TEAD2: variants seen among roughly 807,000 people sequenced by gnomAD.
The protein encoded by TEAD2 is TEA domain transcription factor 2, also known as transcriptional enhancer factor TEF-4.
A neutral mutation model predicts 61.4 loss-of-function variants in TEAD2; 51 were observed. The observed-to-expected ratio is 0.83, with a 90% CI of 0.66 to 1.05. The LOEUF is 1.05. TEAD2 is among the 50% of genes least tolerant of loss of function. The probability of loss-of-function intolerance (pLI) is 0.00; values close to 1 mark genes in which losing one functional copy is unlikely to be tolerated. For synonymous variants in TEAD2, 244 were observed against 243.2 expected (o/e 1.00, Z -0.03); for missense variants, 509 against 600.0 (o/e 0.85, Z 1.58).
intron 7 of TEAD2, among the ~76,000 whole-genome samples, chr19:49,354,738 G>A (rs1169456050): frequency 1.3e-5 from 2 of 152,122 alleles, no homozygotes; most frequent in East Asian, 1.9e-4. Context: ...GGTGGCTCAC[G>A]CCTGTAATCC....
chr19:49,343,190 C>A, intron 11 of TEAD2, 41 bp downstream of exon 11: 1 of 1,569,502 alleles, frequency 6.4e-7, no homozygotes, highest in South Asian at 1.2e-5. Context: ...CCATTCTGCA[C>A]CCCCAAGTGC....
chr19:49,350,109 G>A (rs1346891930), intron 8 of TEAD2, among the ~76,000 whole-genome samples: 3 of 152,034 alleles, frequency 2.0e-5, no homozygotes, highest in African/African-American at 4.8e-5. Flanking sequence ...GAGTTCTCAG[G>A]GCCATATCAG....
chr19:49,341,033 C>G lies in TEAD2; in HGVS notation c.*291G>C. The G allele has an allele frequency of 3.1e-6, 1 of 326,532 alleles. No homozygotes were observed. The highest frequency in any genetic ancestry group is 5.8e-6 in the Non-Finnish European group (1 of 173,204). The allele number at this position is 326,532 out of a possible 1,614,324, so 20.2% of individuals were successfully genotyped here. On this transcript the variant is annotated 3_prime_UTR_variant, in exon 13 of 13. Transcript: ENST00000593945. This position sits in a 1 kb window ranked among gnomAD's most constrained non-coding sequence, Gnocchi z 4.2. ...GCCAGTGCTGTACCTGGGGGGTTGT[C>G]TCACTCCTGTCCCCACAATCCCTGA...
Position 49,341,294 on chromosome 19 carries a change from T to C in TEAD2, c.*30A>G. ...GACCCTCCCTGGGAGGAGGGTGTTC[T>C]GGGGGGTGAGCCAGTTTTGGGGTCC... On this transcript the variant is annotated 3_prime_UTR_variant, in exon 13 of 13. Coordinates refer to ENST00000593945, the MANE Select transcript of TEAD2 (RefSeq NM_001256660.2). This position sits in a 1 kb window ranked among gnomAD's most constrained non-coding sequence, Gnocchi z 4.2. 5 of 1,589,574 alleles carry C rather than the reference T, an allele frequency of 3.1e-6. No homozygotes were observed. Among genetic ancestry groups the C allele is most frequent in the Non-Finnish European group, 4.3e-6 (5 of 1,158,366 alleles).
chr19:49,342,393 C>T, intron 12 of TEAD2, 45 bp downstream of exon 12: 2 of 1,604,062 alleles, frequency 1.2e-6, no homozygotes, highest in South Asian at 2.2e-5. Flanking sequence ...AGGTACTGTC[C>T]CTCCACACTG....
chr19:49,353,724 A>G (rs1187038788), intron 7 of TEAD2, among the ~76,000 whole-genome samples: 1 of 147,730 alleles, frequency 6.8e-6, no homozygotes, highest in Non-Finnish European at 1.5e-5. Flanking sequence ...ATTCAGCAGC[A>G]GCTCCCCAGT....
Position 49,341,268 on chromosome 19 carries a change from G to C in TEAD2, c.*56C>G. On this transcript the variant is annotated 3_prime_UTR_variant, in exon 13 of 13. Transcript: ENST00000593945. The surrounding 1 kb of genome is among the most constrained non-coding windows in gnomAD (Gnocchi z 4.2). ...AATAAGAAGCATGAGGTGAGCTGGA[G>C]GACCCTCCCTGGGAGGAGGGTGTTC... The C allele has an allele frequency of 7.1e-7, 1 of 1,414,794 alleles. No individual in the cohort carries two copies. Among genetic ancestry groups the C allele is most frequent in the South Asian group, 1.1e-5 (1 of 87,018 alleles). 87.6% of individuals were successfully genotyped at this position (1,414,794 alleles called of 1,614,324 possible). A position where few individuals can be genotyped will look rare whatever the true frequency, so the allele number is the denominator to read the frequency against.
At chr19:49,360,841 C>CAG (rs1244579866) in intron 1 of TEAD2, among the ~76,000 whole-genome samples, 15 of 102,682 alleles carry the variant, frequency 1.5e-4, no homozygotes, top group African/African-American at 6.4e-4. Context: ...GGACAGAGAC[C>CAG]AGAGAGAGAG....
rs1403634526 is a variant in TEAD2, at chr19:49,355,884, G to A, written c.372+75C>T. On this transcript the variant is annotated intron_variant, in intron 5 of 12. Transcript: ENST00000593945. ...GGGGAGGGTTGAACCTCTCCCCACAGCCCTCTGCCCCTCCTCAGGGACAGG... is the reference window on the plus strand; with the variant it reads ...GGGGAGGGTTGAACCTCTCCCCACAACCCTCTGCCCCTCCTCAGGGACAGG... 1.1e-5 allele frequency: 14 copies of A among 1,262,196 alleles called. No homozygotes were observed. In the East Asian group the frequency reaches 1.8e-4, roughly 16 times the overall value. The allele number at this position is 1,262,196 out of a possible 1,614,324, so 78.2% of individuals were successfully genotyped here. A position where few individuals can be genotyped will look rare whatever the true frequency, so the allele number is the denominator to read the frequency against.
intron 12 of TEAD2, among the ~76,000 whole-genome samples, chr19:49,342,047 C>T (rs1250844688): frequency 6.6e-6 from 1 of 152,100 alleles, no homozygotes. Flanking sequence ...CAAAAATTAG[C>T]CAGGCGTGGT....
chr19:49,343,479 C>G (rs1209828381), intron 10 of TEAD2, 81 bp from the exon 11 acceptor site: 1 of 1,474,492 alleles, frequency 6.8e-7, no homozygotes, highest in East Asian at 2.3e-5. Flanking sequence ...GTGGTTCACA[C>G]CTGTAATCCC....
intron 10 of TEAD2, among the ~76,000 whole-genome samples, chr19:49,344,850 T>G (rs1971532283): frequency 6.6e-6 from 1 of 152,162 alleles, no homozygotes; most frequent in Admixed American, 6.5e-5. Context: ...CAAGTGTGTG[T>G]AGACAGCTGG....
chr19:49,348,676 C>A (rs1971804061), intron 9 of TEAD2, 27 bp downstream of exon 9: 1 of 1,602,034 alleles, frequency 6.2e-7, no homozygotes, highest in African/African-American at 1.3e-5. Flanking sequence ...CAAAATCCCT[C>A]AGCGACTGTA....
At chr19:49,355,232 T>C (rs1342309990) in intron 6 of TEAD2, 26 bp from the exon 7 acceptor site, 3 of 1,613,666 alleles carry the variant, frequency 1.9e-6, no homozygotes, top group Non-Finnish European at 2.5e-6. Flanking sequence ...AGAAAAATGG[T>C]TGGTCAGTCC....
At chr19:49,357,160 C>T in intron 4 of TEAD2, 92 bp downstream of exon 4, 2 of 1,330,712 alleles carry the variant, frequency 1.5e-6, no homozygotes, top group Non-Finnish European at 2.1e-6. Flanking sequence ...CTCTGTCCCC[C>T]TCTCCCTGGG....
intron 11 of TEAD2, 34 bp from the exon 12 acceptor site, chr19:49,342,624 G>A: frequency 6.3e-7 from 1 of 1,599,240 alleles, no homozygotes; most frequent in Non-Finnish European, 8.6e-7. Context: ...GGAAAATGGT[G>A]GCTGAGAGAC....
intron 1 of TEAD2, among the ~76,000 whole-genome samples, chr19:49,360,996 G>A (rs1342574808): frequency 1.3e-5 from 1 of 77,438 alleles, no homozygotes; most frequent in African/African-American, 5.5e-5. Flanking sequence ...GAGGGGGACA[G>A]AGACCAGAGG....
At chr19:49,354,228 C>G (rs144134795) in intron 7 of TEAD2, among the ~76,000 whole-genome samples, 134 of 151,988 alleles carry the variant, frequency 8.8e-4, no homozygotes, top group Non-Finnish European at 1.7e-3. Flanking sequence ...CCCTAGCCCG[C>G]CACGGTGGCT....
At chr19:49,343,719 C>T (rs940525858) in intron 10 of TEAD2, among the ~76,000 whole-genome samples, 13 of 150,322 alleles carry the variant, frequency 8.6e-5, no homozygotes, top group Admixed American at 7.3e-4. Context: ...GCCTGAGCAA[C>T]GAGAGCGAAA....
Sources: allele counts gnomAD v4.1 joint callset (sites outside exome capture counted in the v4.1 genomes callset), GRCh38; gene constraint gnomAD v4.1.1; non-coding constraint Gnocchi (gnomAD v3.1); transcripts MANE v1.5; gene names NCBI Gene and HGNC (gene_info 2026-07-23, HGNC 2026-07-21).